TBXAS1: variants seen among roughly 807,000 people sequenced by gnomAD.
TBXAS1 encodes thromboxane A synthase 1.
Under a neutral mutation model 60.7 loss-of-function variants are expected in TBXAS1, and 48 were observed. That is an observed-to-expected ratio of 0.79 (90% CI 0.63 to 1.01). The LOEUF (loss-of-function observed/expected upper bound fraction) is 1.01, where lower values mean the gene tolerates loss of function less well. Among genes scored for constraint, TBXAS1 ranks in the 50% least tolerant of loss-of-function variants. The probability of loss-of-function intolerance (pLI) is 0.00; values close to 1 mark genes in which losing one functional copy is unlikely to be tolerated. For synonymous variants in TBXAS1, 287 were observed against 269.7 expected (o/e 1.06, Z -0.63); for missense variants, 685 against 686.3 (o/e 1.00, Z 0.02).
intron 4 of TBXAS1, among the ~76,000 whole-genome samples, chr7:139,911,917 A>G (rs1805556266): frequency 6.6e-6 from 1 of 152,202 alleles, no homozygotes; most frequent in Non-Finnish European, 1.5e-5. Flanking sequence ...ATCCCAAAGG[A>G]TGGGCGAGGT....
At chr7:139,845,448 T>C (rs1330647829) in intron 1 of TBXAS1, among the ~76,000 whole-genome samples, 1 of 152,102 alleles carries the variant, frequency 6.6e-6, no homozygotes, top group Non-Finnish European at 1.5e-5. Flanking sequence ...CCCCTTCATT[T>C]GGGTGAGAAC....
intron 3 of TBXAS1, among the ~76,000 whole-genome samples, chr7:139,898,487 G>T (rs1389526991): frequency 7.6e-6 from 1 of 131,210 alleles, no homozygotes; most frequent in African/African-American, 2.9e-5. Flanking sequence ...GGAAAGCAAT[G>T]GCGCAATTTT....
At chr7:139,958,147 A>AACCCAGC (rs1252191405) in intron 8 of TBXAS1, among the ~76,000 whole-genome samples, 5 of 152,130 alleles carry the variant, frequency 3.3e-5, no homozygotes, top group African/African-American at 1.2e-4. Flanking sequence ...TTATATTGAA[A>AACCCAGC]ACCCAGCAAG....
intron 4 of TBXAS1, among the ~76,000 whole-genome samples, chr7:139,935,214 G>A (rs1807654989): frequency 6.6e-6 from 1 of 152,194 alleles, no homozygotes; most frequent in African/African-American, 2.4e-5. Flanking sequence ...ACCAAAATTT[G>A]TGGATGCTTA....
At chr7:139,860,124 G>T (rs1800860358) in intron 1 of TBXAS1, among the ~76,000 whole-genome samples, 1 of 152,152 alleles carries the variant, frequency 6.6e-6, no homozygotes, top group Admixed American at 6.6e-5. Flanking sequence ...AACAGAGGAA[G>T]ACTCTGTCTC....
chr7:139,849,499 T>A (rs1396035180), intron 1 of TBXAS1, among the ~76,000 whole-genome samples: 1 of 151,960 alleles, frequency 6.6e-6, no homozygotes, highest in Non-Finnish European at 1.5e-5. Context: ...ATCTTGCTTA[T>A]GAAGTGATAA....
chr7:139,898,066 GA>G lies in TBXAS1; in HGVS notation c.237-13158del, dbSNP rs577560780. 3.3e-3 allele frequency among the ~76,000 whole-genome samples: 509 copies of G among 152,312 alleles called. 1 individual carries two copies. The highest frequency in any genetic ancestry group is 3.5e-3 in the Non-Finnish European group (240 of 68,032). On this transcript the variant is annotated intron_variant, in intron 3 of 12. Coordinates refer to ENST00000448866, the MANE Select transcript of TBXAS1 (RefSeq NM_001061.7). ...CCCTGTGGACCATCCAGCCCCGGAG[GA>G]GCGCCTGTGAGTCAAATGCCCAGGT... is the stretch of plus-strand genomic sequence containing the variant.
chr7:139,903,753 T>C lies in TBXAS1; in HGVS notation c.237-7472T>C, dbSNP rs7780486. 8.6e-3 allele frequency among the ~76,000 whole-genome samples: 1,315 copies of C among 152,244 alleles called. 41 individuals are homozygous for C. The highest frequency in any genetic ancestry group is 0.031 in the African/African-American group (1,269 of 41,474). On this transcript the variant is annotated intron_variant, in intron 3 of 12. Coordinates refer to ENST00000448866, the MANE Select transcript of TBXAS1 (RefSeq NM_001061.7). ...TTATTGGCCATTTGTGTATCTTCTT[T>C]TGAGAATTGTCTATTCAGGTCCTTA...
intron 10 of TBXAS1, among the ~76,000 whole-genome samples, chr7:140,012,514 A>G (rs888131215): frequency 6.7e-6 from 1 of 150,150 alleles, no homozygotes; most frequent in Admixed American, 6.6e-5. Flanking sequence ...TCAGGTGTAC[A>G]GTGGTGCGAT....
At chr7:139,905,873 G>T (rs1805034383) in intron 3 of TBXAS1, among the ~76,000 whole-genome samples, 1 of 151,920 alleles carries the variant, frequency 6.6e-6, no homozygotes, top group Non-Finnish European at 1.5e-5. Context: ...TTTGATTTTT[G>T]TCCTTTATGG....
chr7:140,004,357 TAAGTA>T lies in TBXAS1; in HGVS notation c.1135-2730_1135-2726del, dbSNP rs1194227224. 6.6e-6 allele frequency among the ~76,000 whole-genome samples: 1 copy of T among 152,268 alleles called. No individual in the cohort carries two copies. Among genetic ancestry groups the T allele is most frequent in the East Asian group, 1.9e-4 (1 of 5,204 alleles). ...TTTTATTTTCCATTTACTGTTGTTC[TAAGTA>T]AAGAAAACTCAATGTTAAATTATTA... On this transcript the variant is annotated intron_variant, in intron 9 of 12. Transcript: ENST00000448866. The surrounding 1 kb of genome is among the most constrained non-coding windows in gnomAD (Gnocchi z 5.1).
At chr7:139,861,614 T>C (rs1800972327) in intron 1 of TBXAS1, among the ~76,000 whole-genome samples, 1 of 152,130 alleles carries the variant, frequency 6.6e-6, no homozygotes, top group Admixed American at 6.6e-5. Context: ...TGGATGTAAG[T>C]TTTGCACAGG....
chr7:139,941,801 T>C lies in TBXAS1; in HGVS notation c.450+5494T>C, dbSNP rs139570167. On this transcript the variant is annotated intron_variant, in intron 5 of 12. Transcript: ENST00000448866. ...AACCCTGGGATTGTGTAAAACTTTA[T>C]TAAGGATGAGGGAATAAATAGGTTT... Among the ~76,000 whole-genome samples the C allele has an allele frequency of 6.3e-3, 956 of 152,306 alleles. 13 individuals carry two copies. The highest frequency in any genetic ancestry group is 0.039 in the South Asian group (190 of 4,822).
intron 2 of TBXAS1, among the ~76,000 whole-genome samples, 170 bp from the exon 3 acceptor site, chr7:139,875,415 G>A (rs1288052817): frequency 6.6e-6 from 1 of 152,164 alleles, no homozygotes; most frequent in African/African-American, 2.4e-5. Flanking sequence ...TTTTTTTAAA[G>A]CCTTTTGTTT....
intron 5 of TBXAS1, 116 bp from the exon 6 acceptor site, chr7:139,953,252 C>G: frequency 1.2e-6 from 1 of 851,040 alleles, no homozygotes; most frequent in Non-Finnish European, 2.0e-6. Context: ...TGAAAAATAT[C>G]TTCCAAACAG....
intron 4 of TBXAS1, among the ~76,000 whole-genome samples, chr7:139,921,171 C>T: frequency 6.6e-6 from 1 of 152,034 alleles, no homozygotes; most frequent in African/African-American, 2.4e-5. Flanking sequence ...CCCTATGTGA[C>T]ACCACCCAGA....
At chr7:139,952,416 T>G in intron 5 of TBXAS1, 4 of 1,138,582 alleles carry the variant, frequency 3.5e-6, no homozygotes, top group Non-Finnish European at 4.8e-6. Flanking sequence ...GTGAAAATCA[T>G]CAAATCTAAA....
intron 9 of TBXAS1, among the ~76,000 whole-genome samples, chr7:139,968,971 C>T (rs1023236826): frequency 1.3e-5 from 2 of 152,106 alleles, no homozygotes; most frequent in African/African-American, 4.8e-5. Context: ...GGAAAAAAAC[C>T]AACTTCTTTT....
At chr7:139,812,293 T>A (rs1401451701) in intron 4 of TBXAS1, among the ~76,000 whole-genome samples, 2 of 152,164 alleles carry the variant, frequency 1.3e-5, no homozygotes, top group African/African-American at 4.8e-5. Flanking sequence ...GGAGACAATA[T>A]CAACCCCACA....
Sources: allele counts gnomAD v4.1 joint callset (sites outside exome capture counted in the v4.1 genomes callset), GRCh38; gene constraint gnomAD v4.1.1; non-coding constraint Gnocchi (gnomAD v3.1); transcripts MANE v1.5; gene names NCBI Gene and HGNC (gene_info 2026-07-23, HGNC 2026-07-21).